The following AFF1 variants were observed in gnomAD, a reference collection of about 807,000 sequenced individuals.
AFF1 encodes AF4/FMR2 family member 1.
AFF1 carries 48 observed loss-of-function variants against 121.7 expected under a neutral mutation model. That is an observed-to-expected ratio of 0.39 (90% CI 0.31 to 0.50). AFF1 has a LOEUF of 0.50. AFF1 is among the 20% of genes least tolerant of loss of function. The pLI, the probability that AFF1 is intolerant of heterozygous loss-of-function variation, is 0.76. For missense variants in AFF1, 1,523 were observed against 1,511.7 expected (o/e 1.01, Z -0.12); for synonymous variants, 613 against 563.0 (o/e 1.09, Z -1.26).
intron 2 of AFF1, chr4:87,007,091 C>T: frequency 8.0e-7 from 1 of 1,246,292 alleles, no homozygotes. Flanking sequence ...GCTTTCCCTT[C>T]TCAGAAACTG....
chr4:87,114,911 C>T lies in AFF1; in HGVS notation c.2078C>T (p.Pro693Leu). Residue 693 changes from proline (P) to leucine (L), a missense_variant, in exon 12 of 21, where the codon CCA (proline) becomes CTA (leucine). This residue lies in a region of AFF1 where 905 missense variants were observed against 842.5 expected (regional missense o/e 1.07). Coordinates refer to ENST00000395146, the MANE Select transcript of AFF1 (RefSeq NM_001166693.3). ...LPAPSKALSGPEPAKDNVEDR... is the reference protein window; with the variant it reads ...LPAPSKALSGLEPAKDNVEDR... ...GCCCCCTCTAAGGCTCTCTCAGGCC[C>T]AGAACCCGCGAAGGACAATGTGGAG... 2 of 1,612,834 alleles carry T rather than the reference C, an allele frequency of 1.2e-6. No homozygotes were observed. The highest frequency in any genetic ancestry group is 1.7e-6 in the Non-Finnish European group (2 of 1,179,498).
intron 2 of AFF1, among the ~76,000 whole-genome samples, chr4:87,025,606 G>C (rs1388606861): frequency 6.6e-6 from 1 of 152,144 alleles, no homozygotes; most frequent in Non-Finnish European, 1.5e-5. Flanking sequence ...CCCTATCCCG[G>C]GGATATTTGG....
Position 87,132,300 on chromosome 4 carries a change from C to T in AFF1, c.3203C>T (p.Ala1068Val), listed in dbSNP as rs1027941185. The T allele has an allele frequency of 3.7e-6, 6 of 1,612,612 alleles. No homozygotes were observed. Among genetic ancestry groups the T allele is most frequent in the Non-Finnish European group, 5.1e-6 (6 of 1,179,474 alleles). Residue 1068 changes from alanine to valine, a missense_variant, in exon 19 of 21, where the codon GCG (alanine) becomes GTG (valine). Coordinates refer to ENST00000395146, the MANE Select transcript of AFF1 (RefSeq NM_001166693.3). ...CGTTGCCAGTCCATTTTGAACATGG[C>T]GATGTTTCGTTGTAAAAAAGACATA... ...CMRCQSILNM[A>V]MFRCKKDIAI... is the part of the protein sequence containing the mutation.
chr4:87,134,632 C>T lies in AFF1; in HGVS notation c.3473C>T (p.Ser1158Phe). ...NMTSSYVTIT[S>F]HVLTAFDLWE... The stretch of plus-strand genomic sequence containing the variant: ...ACATCTTCCTATGTCACCATCACAT[C>T]CCATGTTCTTACCGCCTTTGACCTT... Residue 1158 changes from serine (S) to phenylalanine (F), a missense_variant, in exon 20 of 21, where the codon TCC (serine) becomes TTC (phenylalanine). By Grantham distance (155) the Ser-to-Phe change is radical. Coordinates refer to ENST00000395146, the MANE Select transcript of AFF1 (RefSeq NM_001166693.3). 1 of 1,614,188 alleles carries T rather than the reference C, an allele frequency of 6.2e-7. No individual in the cohort carries two copies. The highest frequency in any genetic ancestry group is 8.5e-7 in the Non-Finnish European group (1 of 1,180,040).
Position 87,127,098 on chromosome 4 carries a change from C to A in AFF1, c.2884C>A (p.Pro962Thr). ...LPNGNSKPGK[P>T]QVKFDKQQAD... is the part of the protein sequence containing the mutation. ...AAATGGTAACTCTAAACCAGGGAAG[C>A]CTCAAGTGAAGTTTGACAAGTAAGA... is the stretch of plus-strand genomic sequence containing the variant. Residue 962 changes from proline (P) to threonine (T), a missense_variant, in exon 15 of 21, where the codon CCT becomes ACT. Pro to Thr is a conservative substitution (Grantham distance 38). Transcript: ENST00000395146. The A allele has an allele frequency of 6.2e-7, 1 of 1,613,298 alleles. No homozygotes were observed. The highest frequency in any genetic ancestry group is 8.5e-7 in the Non-Finnish European group (1 of 1,179,740).
intron 4 of AFF1, among the ~76,000 whole-genome samples, chr4:87,068,261 C>CCT (rs1721590323): frequency 7.1e-6 from 1 of 141,080 alleles, no homozygotes; most frequent in African/African-American, 2.6e-5. Flanking sequence ...AAAATTGCCC[C>CCT]CCCCCCACTC....
chr4:86,997,323 A>G (rs1725294862), intron 2 of AFF1, among the ~76,000 whole-genome samples: 1 of 152,236 alleles, frequency 6.6e-6, no homozygotes, highest in Non-Finnish European at 1.5e-5. Flanking sequence ...GAAGGCTTTC[A>G]CCAGGTGTGG....
At chr4:86,982,848 C>CAAAAAAAAAAAAAA (rs59568294) in intron 2 of AFF1, among the ~76,000 whole-genome samples, 42 of 53,808 alleles carry the variant, frequency 7.8e-4, no homozygotes, top group African/African-American at 2.8e-3. Flanking sequence ...ACTCTGTCTC[C>CAAAAAAAAAAAAAA]AAAAAAAAAA....
intron 1 of AFF1, among the ~76,000 whole-genome samples, chr4:86,944,627 C>T (rs1041518082): frequency 3.9e-5 from 6 of 152,038 alleles, no homozygotes; most frequent in South Asian, 2.1e-4. Flanking sequence ...TACAGACAGC[C>T]GCGGCGCCCA....
At chr4:87,027,902 C>G (rs995811419) in intron 2 of AFF1, among the ~76,000 whole-genome samples, 21 of 143,914 alleles carry the variant, frequency 1.5e-4, no homozygotes, top group African/African-American at 5.2e-4. Flanking sequence ...TCAAGTGATT[C>G]TCCTGCCTCA....
chr4:87,024,832 G>C (rs1026131336), intron 2 of AFF1, among the ~76,000 whole-genome samples: 1 of 152,168 alleles, frequency 6.6e-6, no homozygotes, highest in Non-Finnish European at 1.5e-5. Flanking sequence ...GGACTCAAGT[G>C]ATCCACCCGC....
At chr4:87,056,373 C>A (rs765407938) in intron 4 of AFF1, among the ~76,000 whole-genome samples, 11 of 152,138 alleles carry the variant, frequency 7.2e-5, no homozygotes, top group Non-Finnish European at 1.2e-4. Context: ...TATATTTCTT[C>A]GAGGTATTCT....
At chr4:87,035,756 T>G (rs554334277) in intron 2 of AFF1, among the ~76,000 whole-genome samples, 110 of 152,220 alleles carry the variant, frequency 7.2e-4, no homozygotes, top group Admixed American at 9.8e-4. Flanking sequence ...GTCCATTTTA[T>G]TTGAATGTTG....
Position 87,069,517 on chromosome 4 carries a change from T to C in AFF1, c.1060-14603T>C, listed in dbSNP as rs186512014. On this transcript the variant is annotated intron_variant, in intron 4 of 20. Transcript: ENST00000395146. ...TCCTCTCTCCATCTTTTCTCTCCTC[T>C]CCCCTCCTCTTTCTCTCCCCTCCTC... Among the ~76,000 whole-genome samples, 53 of 136,276 alleles carry C rather than the reference T, an allele frequency of 3.9e-4. 1 individual carries two copies. Among genetic ancestry groups the C allele is most frequent in the African/African-American group, 1.3e-3 (40 of 31,746 alleles). The allele number at this position is 136,276 out of a possible 152,430, so 89.4% of individuals were successfully genotyped here. A position where few individuals can be genotyped will look rare whatever the true frequency, so the allele number is the denominator to read the frequency against.
intron 12 of AFF1, among the ~76,000 whole-genome samples, chr4:87,120,953 T>G (rs1009396043): frequency 1.1e-4 from 17 of 152,180 alleles, no homozygotes; most frequent in Non-Finnish European, 2.4e-4. Context: ...ACTTGGCCCC[T>G]TGCAAGCCCA....
chr4:86,937,411 A>G (rs999074075), intron 1 of AFF1, among the ~76,000 whole-genome samples: 1 of 152,196 alleles, frequency 6.6e-6, no homozygotes, highest in Non-Finnish European at 1.5e-5. Flanking sequence ...GACTATATCA[A>G]AACTAGCTGT....
intron 2 of AFF1, among the ~76,000 whole-genome samples, chr4:87,011,008 G>A (rs1327067778): frequency 1.3e-5 from 2 of 149,914 alleles, no homozygotes; most frequent in East Asian, 3.9e-4. Flanking sequence ...GAACCTGGGA[G>A]GTGGAGCTTG....
chr4:87,113,863 C>A (rs999260791), intron 11 of AFF1, among the ~76,000 whole-genome samples: 3 of 151,894 alleles, frequency 2.0e-5, no homozygotes, highest in African/African-American at 4.8e-5. Flanking sequence ...GAGACCCTGT[C>A]ACACACAAAA....
At position 87,136,769 on chromosome 4, in the gene AFF1, G is replaced by C. The variant is rs1259211224; in HGVS notation, c.*1068G>C. On this transcript the variant is annotated 3_prime_UTR_variant, in exon 21 of 21. Transcript: ENST00000395146. ...AGAAACATGAAATCTGCTTCTTAGAGAGGCTATATTTTTCTGCTACAAATA... is the reference window on the plus strand; with the variant it reads ...AGAAACATGAAATCTGCTTCTTAGACAGGCTATATTTTTCTGCTACAAATA... The C allele has an allele frequency of 8.8e-6, 2 of 226,330 alleles. No individual in the cohort carries two copies. Among genetic ancestry groups the C allele is most frequent in the Non-Finnish European group, 1.8e-5 (2 of 113,914 alleles). The allele number at this position is 226,330 out of a possible 1,614,324, so 14.0% of individuals were successfully genotyped here. A position where few individuals can be genotyped will look rare whatever the true frequency, so the allele number is the denominator to read the frequency against.
Sources: gnomAD v4.1 joint callset for allele counts (sites outside exome capture counted in the v4.1 genomes callset) on GRCh38, gnomAD v4.1.1 for gene constraint, gnomAD v4.1.1 regional missense constraint, MANE v1.5 for transcripts, NCBI Gene and HGNC (gene_info 2026-07-23, HGNC 2026-07-21) for gene names.